VAV2: variants seen among roughly 807,000 people sequenced by gnomAD.
The protein encoded by VAV2 is vav guanine nucleotide exchange factor 2, also known as guanine nucleotide exchange factor VAV2.
VAV2 carries 67 observed loss-of-function variants against 132.5 expected under a neutral mutation model. That is an observed-to-expected ratio of 0.51 (90% CI 0.42 to 0.62). The LOEUF is 0.62. VAV2 is among the 20% of genes least tolerant of loss of function. The pLI, the probability that VAV2 is intolerant of heterozygous loss-of-function variation, is 0.00. For missense variants in VAV2, 938 were observed against 1,153.6 expected, an observed-to-expected ratio of 0.81 and a Z score of 2.71; for synonymous variants, 492 against 443.5, an observed-to-expected ratio of 1.11 and a Z score of -1.37.
Position 133,833,467 on chromosome 9 carries a change from C to T in VAV2, c.449+805G>A, listed in dbSNP as rs2131778702. Reference sequence around the variant, plus strand: ...CACACAAGCTGCTGTCAAACAGCTCCAGAGGCCCCCAGGCAGCAAGGATGC... The same window carrying T: ...CACACAAGCTGCTGTCAAACAGCTCTAGAGGCCCCCAGGCAGCAAGGATGC... On this transcript the variant is annotated intron_variant, in intron 4 of 29. Coordinates refer to ENST00000371850, the MANE Select transcript of VAV2 (RefSeq NM_001134398.2). The surrounding 1 kb of genome is among the most constrained non-coding windows in gnomAD (Gnocchi z 5.6). Among the ~76,000 whole-genome samples, 2 of 152,332 alleles carry T rather than the reference C, an allele frequency of 1.3e-5. 1 individual carries two copies. The highest frequency in any genetic ancestry group is 3.9e-4 in the East Asian group (2 of 5,176).
chr9:133,923,488 A>G (rs1840365538), intron 2 of VAV2, among the ~76,000 whole-genome samples: 1 of 152,204 alleles, frequency 6.6e-6, no homozygotes, highest in African/African-American at 2.4e-5. Context: ...AAAAGTCAGG[A>G]AACAATACAT....
chr9:133,987,496 G>A (rs1382933445), intron 1 of VAV2, among the ~76,000 whole-genome samples: 1 of 152,250 alleles, frequency 6.6e-6, no homozygotes, highest in Admixed American at 6.5e-5. Context: ...CCCGGAGGGG[G>A]GGATGCCAAA....
intron 15 of VAV2, 74 bp from the exon 16 acceptor site, chr9:133,787,334 G>T: frequency 2.1e-6 from 3 of 1,451,378 alleles, no homozygotes; most frequent in Non-Finnish European, 2.8e-6. Flanking sequence ...GGTGGGTGCC[G>T]CAGTGTGGAG....
chr9:133,831,645 T>G (rs1207612147), intron 4 of VAV2, among the ~76,000 whole-genome samples: 1 of 152,162 alleles, frequency 6.6e-6, no homozygotes, highest in Non-Finnish European at 1.5e-5. Flanking sequence ...CCTGGCCACA[T>G]AAGGCCGATG....
chr9:133,778,709 C>T, intron 22 of VAV2, 53 bp downstream of exon 22: 14 of 1,599,748 alleles, frequency 8.8e-6, no homozygotes, highest in Non-Finnish European at 9.4e-6. Context: ...CCCCAGGGAG[C>T]AGGGAGGAGC....
At chr9:133,985,406 C>T (rs1268450368) in intron 1 of VAV2, among the ~76,000 whole-genome samples, 1 of 152,142 alleles carries the variant, frequency 6.6e-6, no homozygotes, top group African/African-American at 2.4e-5. Context: ...CTCAGCCTCC[C>T]GAGTAGCTGG....
intron 3 of VAV2, among the ~76,000 whole-genome samples, chr9:133,848,128 A>C (rs1344523683): frequency 6.6e-6 from 1 of 151,990 alleles, no homozygotes. Flanking sequence ...ATACAAAAAA[A>C]AATCAGCTGG....
At chr9:133,990,133 A>C (rs561967294) in intron 1 of VAV2, among the ~76,000 whole-genome samples, 1 of 152,306 alleles carries the variant, frequency 6.6e-6, no homozygotes, top group South Asian at 2.1e-4. Context: ...GGACAGTGCC[A>C]GGATTCAATC....
chr9:133,882,561 A>G (rs551642652), intron 2 of VAV2, among the ~76,000 whole-genome samples: 4 of 152,226 alleles, frequency 2.6e-5, no homozygotes, highest in Admixed American at 1.3e-4. Flanking sequence ...GAGAAAGGGG[A>G]GGCCATGTGA....
At chr9:133,898,541 C>G (rs1177280131) in intron 2 of VAV2, among the ~76,000 whole-genome samples, 2 of 152,030 alleles carry the variant, frequency 1.3e-5, no homozygotes, top group African/African-American at 4.8e-5. Flanking sequence ...TTGCAGTGAG[C>G]CGAGATCGTG....
At position 133,969,270 on chromosome 9, in the gene VAV2, G is replaced by A. The variant is rs989946993; in HGVS notation, c.204+22805C>T. Among the ~76,000 whole-genome samples the A allele has an allele frequency of 1.4e-4, 22 of 151,994 alleles. No homozygotes were observed. Among genetic ancestry groups the A allele is most frequent in the African/African-American group, 5.1e-4 (21 of 41,278 alleles). On this transcript the variant is annotated intron_variant, in intron 1 of 29. Transcript: ENST00000371850. This position sits in a 1 kb window ranked among gnomAD's most constrained non-coding sequence, Gnocchi z 5.1. ...ATGAACTGCGGCTTCTCACGGCTGC[G>A]CTGCTGGCATGGTAGAGAATACAAC...
At chr9:133,977,354 T>TGG (rs1842547211) in intron 1 of VAV2, among the ~76,000 whole-genome samples, 1 of 152,098 alleles carries the variant, frequency 6.6e-6, no homozygotes, top group African/African-American at 2.4e-5. Flanking sequence ...AAAGATGAGC[T>TGG]GGGGCCTAGG....
Position 133,763,133 on chromosome 9 carries a change from A to T in VAV2, c.*929T>A, listed in dbSNP as rs1324156110. On this transcript the variant is annotated 3_prime_UTR_variant, in exon 30 of 30. Coordinates refer to ENST00000371850, the MANE Select transcript of VAV2 (RefSeq NM_001134398.2). The surrounding 1 kb of genome is among the most constrained non-coding windows in gnomAD (Gnocchi z 6.8). ...AACCTCTCGTGCCAAGGCTGGGCAGACCCTCAGGGACCACCCTTCAGGAGA... is the reference window on the plus strand; with the variant it reads ...AACCTCTCGTGCCAAGGCTGGGCAGTCCCTCAGGGACCACCCTTCAGGAGA... 6.6e-6 allele frequency: 1 copy of T among 152,480 alleles called. No individual in the cohort carries two copies. The highest frequency in any genetic ancestry group is 1.5e-5 in the Non-Finnish European group (1 of 68,038). The allele number at this position is 152,480 out of a possible 1,614,324, so 9.4% of individuals were successfully genotyped here. A position where few individuals can be genotyped will look rare whatever the true frequency, so the allele number is the denominator to read the frequency against.
In VAV2 at chr9:133,918,798, C is replaced by A. The variant is rs954516986; in HGVS notation, c.321+20305G>T. ...GTTTGTTTGTTTGTTTGTTTTGAGA[C>A]AGAGTCTTGTTCTGTCGCCCAGGCT... On this transcript the variant is annotated intron_variant, in intron 2 of 29. Coordinates refer to ENST00000371850, the MANE Select transcript of VAV2 (RefSeq NM_001134398.2). The surrounding 1 kb of genome is among the most constrained non-coding windows in gnomAD (Gnocchi z 4.7). Among the ~76,000 whole-genome samples, 1 of 151,974 alleles carries A rather than the reference C, an allele frequency of 6.6e-6. No individual in the cohort carries two copies. The highest frequency in any genetic ancestry group is 1.5e-5 in the Non-Finnish European group (1 of 67,998).
rs1057324752 is a variant in VAV2, at chr9:133,888,818, T to C, written c.322-27386A>G. 2.6e-5 allele frequency among the ~76,000 whole-genome samples: 4 copies of C among 152,224 alleles called. No homozygotes were observed. In the East Asian group the frequency reaches 7.7e-4, roughly 29 times the overall value. ...ATTTAATTTCTAGGTCCAGGGAGGC[T>C]GCCATTAGCAAGATTAATTGTGTGC... On this transcript the variant is annotated intron_variant, in intron 2 of 29. Transcript: ENST00000371850.
intron 2 of VAV2, among the ~76,000 whole-genome samples, chr9:133,866,492 C>T (rs1050185477): frequency 6.6e-6 from 1 of 152,156 alleles, no homozygotes; most frequent in African/African-American, 2.4e-5. Flanking sequence ...GTGGGGGCAA[C>T]TGCGCTGCGA....
rs990786811 is a variant in VAV2, at chr9:133,823,880, T to C, written c.449+10392A>G. 6.6e-6 allele frequency among the ~76,000 whole-genome samples: 1 copy of C among 152,140 alleles called. No homozygotes were observed. Among genetic ancestry groups the C allele is most frequent in the African/African-American group, 2.4e-5 (1 of 41,422 alleles). ...ATACCTGCTCACACACACACGGGAA[T>C]GCGGAGCGGGCAGGGTGGTCACGCG... On this transcript the variant is annotated intron_variant, in intron 4 of 29. Coordinates refer to ENST00000371850, the MANE Select transcript of VAV2 (RefSeq NM_001134398.2). This position sits in a 1 kb window ranked among gnomAD's most constrained non-coding sequence, Gnocchi z 5.5.
intron 1 of VAV2, among the ~76,000 whole-genome samples, chr9:133,948,360 C>A (rs1841441114): frequency 1.3e-5 from 2 of 152,226 alleles, no homozygotes; most frequent in Admixed American, 6.5e-5. Flanking sequence ...GCATGAGTGT[C>A]CCCCTTCGCC....
In VAV2 at chr9:133,898,741, G is replaced by A. The variant is rs1300229109; in HGVS notation, c.322-37309C>T. Among the ~76,000 whole-genome samples, 3 of 152,094 alleles carry A rather than the reference G, an allele frequency of 2.0e-5. No individual in the cohort carries two copies. In the East Asian group the frequency reaches 5.8e-4, roughly 30 times the overall value. Reference sequence around the variant, plus strand: ...ATGAGGCCAGGCCTGAGCTGGTGCTGTGGCTCTCCTGGCAGGTTCCCCTGG... The same window carrying A: ...ATGAGGCCAGGCCTGAGCTGGTGCTATGGCTCTCCTGGCAGGTTCCCCTGG... On this transcript the variant is annotated intron_variant, in intron 2 of 29. Coordinates refer to ENST00000371850, the MANE Select transcript of VAV2 (RefSeq NM_001134398.2).
Sources: gnomAD v4.1 joint callset for allele counts (sites outside exome capture counted in the v4.1 genomes callset) on GRCh38, gnomAD v4.1.1 for gene constraint, Gnocchi (gnomAD v3.1) non-coding constraint, MANE v1.5 for transcripts, NCBI Gene and HGNC (gene_info 2026-07-23, HGNC 2026-07-21) for gene names.